The following TRAPPC12 variants were observed in gnomAD, a reference collection of about 807,000 sequenced individuals.
TRAPPC12 encodes the protein TPR repeat protein 15.
A neutral mutation model predicts 69.2 loss-of-function variants in TRAPPC12; 61 were observed. That is an observed-to-expected ratio of 0.88 (90% CI 0.72 to 1.09). The LOEUF (loss-of-function observed/expected upper bound fraction) is 1.09. Ranked by LOEUF, TRAPPC12 falls within the 50% of genes least tolerant of loss-of-function variation. The pLI is 0.00. For missense variants in TRAPPC12, 1,101 were observed against 1,016.4 expected (o/e 1.08, Z -1.13); for synonymous variants, 469 against 438.9 (o/e 1.07, Z -0.86).
intron 3 of TRAPPC12, among the ~76,000 whole-genome samples, chr2:3,421,083 A>G (rs1282277350): frequency 1.3e-5 from 2 of 152,240 alleles, no homozygotes. Context: ...TGCAGAAATG[A>G]GGACATCTAC....
rs535149304 is a variant in TRAPPC12 at position 3,450,475 on chromosome 2, G to A, written c.1530+6584G>A. Among the ~76,000 whole-genome samples, 99 of 152,306 alleles carry A rather than the reference G, an allele frequency of 6.5e-4. 1 individual carries two copies. Among genetic ancestry groups the A allele is most frequent in the African/African-American group, 2.3e-3 (97 of 41,570 alleles). ...CCAGGTCCGCTCTGAAGTGCCGGCT[G>A]CATGACCAGCCCTCCAGCCTGTGTC... is the stretch of plus-strand genomic sequence containing the variant. On this transcript the variant is annotated intron_variant, in intron 6 of 11. Transcript: ENST00000324266.
chr2:3,436,665 T>A (rs1481014276), intron 5 of TRAPPC12, among the ~76,000 whole-genome samples: 4 of 152,040 alleles, frequency 2.6e-5, no homozygotes, highest in Middle Eastern at 3.4e-3. Flanking sequence ...TTAATGGCGT[T>A]GCGTGTTCAT....
At chr2:3,391,724 T>C (rs1296815864) in intron 2 of TRAPPC12, among the ~76,000 whole-genome samples, 13 of 152,128 alleles carry the variant, frequency 8.5e-5, no homozygotes, top group Admixed American at 8.5e-4. Flanking sequence ...ATGTGTGGGA[T>C]TGGATTTATT....
chr2:3,402,157 C>G (rs1435983027), intron 3 of TRAPPC12, among the ~76,000 whole-genome samples: 2 of 152,142 alleles, frequency 1.3e-5, no homozygotes, highest in Non-Finnish European at 2.9e-5. Flanking sequence ...GAGTTTGCTT[C>G]ATCATATATA....
chr2:3,479,458 C>T lies in TRAPPC12; in HGVS notation c.2205C>T (p.Ala735=). 6.2e-7 allele frequency: 1 copy of T among 1,613,728 alleles called. No individual in the cohort carries two copies. ...DSFNTQCLKL[A] Reference sequence around the variant, plus strand: ...TCAACACACAGTGCCTCAAGCTGGCCTAGCTGCCTCCAACACACTACGTCA... The same window carrying T: ...TCAACACACAGTGCCTCAAGCTGGCTTAGCTGCCTCCAACACACTACGTCA... The change falls in exon 12 of 12, where the codon GCC becomes GCT. Residue 735 remains alanine, a synonymous_variant. Transcript: ENST00000324266.
intron 8 of TRAPPC12, chr2:3,462,958 A>T: frequency 2.1e-6 from 1 of 471,118 alleles, no homozygotes; most frequent in South Asian, 1.5e-5. Context: ...ATTAGACTGC[A>T]GAAGTCCTTG....
chr2:3,453,443 G>T (rs1482186384), intron 6 of TRAPPC12, among the ~76,000 whole-genome samples: 4 of 152,178 alleles, frequency 2.6e-5, no homozygotes, highest in African/African-American at 9.6e-5. Flanking sequence ...GTGGCTGGTC[G>T]CTTACTGCTC....
intron 1 of TRAPPC12, among the ~76,000 whole-genome samples, chr2:3,383,892 T>G (rs1223785876): frequency 0.018 from 449 of 24,932 alleles, 21 homozygotes; most frequent in African/African-American, 0.089. Flanking sequence ...TTTTTTTTTT[T>G]TTTTTTTTTT....
intron 2 of TRAPPC12, among the ~76,000 whole-genome samples, chr2:3,397,206 A>G (rs1280777904): frequency 2.0e-5 from 3 of 152,214 alleles, no homozygotes; most frequent in Non-Finnish European, 4.4e-5. Context: ...TATTCTGACA[A>G]GCAAGTAACT....
chr2:3,382,057 A>G (rs949507743), intron 1 of TRAPPC12, among the ~76,000 whole-genome samples: 3 of 151,010 alleles, frequency 2.0e-5, no homozygotes, highest in Admixed American at 1.3e-4. Flanking sequence ...CACTATTTTA[A>G]TATTTTATGT....
At chr2:3,415,720 CT>C (rs71396990) in intron 3 of TRAPPC12, among the ~76,000 whole-genome samples, 130 of 134,180 alleles carry the variant, frequency 9.7e-4, no homozygotes, top group African/African-American at 1.1e-3. Context: ...CACTTCTTTT[CT>C]TTTTTTTTTT....
intron 6 of TRAPPC12, among the ~76,000 whole-genome samples, chr2:3,447,286 CAG>C (rs1664561692): frequency 6.6e-6 from 1 of 152,136 alleles, no homozygotes; most frequent in Non-Finnish European, 1.5e-5. Context: ...TTAGTAGAGA[CAG>C]GGCTTCACCA....
chr2:3,462,215 G>A (rs1196231785), intron 8 of TRAPPC12, among the ~76,000 whole-genome samples: 1 of 152,184 alleles, frequency 6.6e-6, no homozygotes, highest in Admixed American at 6.5e-5. Flanking sequence ...TTGTGGCACT[G>A]TGGTAGTAAC....
At chr2:3,471,331 C>G (rs1038373573) in intron 9 of TRAPPC12, among the ~76,000 whole-genome samples, 2 of 152,132 alleles carry the variant, frequency 1.3e-5, no homozygotes, top group Non-Finnish European at 2.9e-5. Flanking sequence ...GGGTTTAATG[C>G]CTGCATATAA....
chr2:3,389,922 GT>G (rs1423246215), intron 2 of TRAPPC12: 2 of 395,792 alleles, frequency 5.1e-6, no homozygotes, highest in Non-Finnish European at 1.0e-5. Context: ...GAATGGAGGG[GT>G]GCATGCTGAT....
chr2:3,465,147 A>G (rs75590765), intron 8 of TRAPPC12, among the ~76,000 whole-genome samples: 3,091 of 152,312 alleles, frequency 0.02, 73 homozygotes, highest in South Asian at 0.093. Context: ...TTTGACCTTA[A>G]TTTCTAGCAT....
Position 3,388,420 on chromosome 2 carries a change from G to T in TRAPPC12, c.797G>T (p.Arg266Leu). Residue 266 changes from arginine to leucine, a missense_variant, in exon 2 of 12, where the codon CGA becomes CTA. Coordinates refer to ENST00000324266, the MANE Select transcript of TRAPPC12 (RefSeq NM_016030.6). Reference protein sequence around the residue: ...TEGRPEPVAMRGPQAAAPPAS... With the variant: ...TEGRPEPVAMLGPQAAAPPAS... The stretch of plus-strand genomic sequence containing the variant: ...GGGCGCCCCGAACCCGTGGCCATGC[G>T]AGGGCCCCAGGCAGCTGCGCCCCCG... 1 of 1,604,904 alleles carries T rather than the reference G, an allele frequency of 6.2e-7. No individual in the cohort carries two copies. Among genetic ancestry groups the T allele is most frequent in the Non-Finnish European group, 8.5e-7 (1 of 1,176,062 alleles).
At chr2:3,406,148 A>T (rs1259990067) in intron 3 of TRAPPC12, among the ~76,000 whole-genome samples, 1 of 152,162 alleles carries the variant, frequency 6.6e-6, no homozygotes, top group Non-Finnish European at 1.5e-5. Context: ...CTTCCTCTGC[A>T]CCACGCTCCC....
At chr2:3,444,613 C>G (rs78267313) in intron 6 of TRAPPC12, among the ~76,000 whole-genome samples, 4,076 of 152,318 alleles carry the variant, frequency 0.027, 112 homozygotes, top group Middle Eastern at 0.099. Context: ...ACTACAACAA[C>G]AAGCAGTTAT....
Sources: gnomAD v4.1 joint callset for allele counts (sites outside exome capture counted in the v4.1 genomes callset) on GRCh38, gnomAD v4.1.1 for gene constraint, MANE v1.5 for transcripts, NCBI Gene and HGNC (gene_info 2026-07-23, HGNC 2026-07-21) for gene names.